CYLC1: variants seen among roughly 807,000 people sequenced by gnomAD.
CYLC1 encodes the protein cylicin 1.
In CYLC1, 2 loss-of-function variants were observed where a neutral mutation model predicts 31.6. The observed-to-expected ratio is 0.06, with a 90% CI of 0.03 to 0.20. The LOEUF (loss-of-function observed/expected upper bound fraction) is 0.20. Ranked by LOEUF, CYLC1 falls within the 10% of genes least tolerant of loss-of-function variation. CYLC1 has a pLI of 1.00. For missense variants in CYLC1, 595 were observed against 424.1 expected, an observed-to-expected ratio of 1.40 and a Z score of -3.54; for synonymous variants, 185 against 153.0, an observed-to-expected ratio of 1.21 and a Z score of -1.54.
At chrX:83,881,128 G>T (rs1210553982) in intron 4 of CYLC1, among the ~76,000 whole-genome samples, 1 of 104,406 alleles carries the variant, frequency 9.6e-6, no homozygotes, top group Non-Finnish European at 2.0e-5. Flanking sequence ...AAGGAAAGTG[G>T]GTGTTGTTGT....
intron 4 of CYLC1, among the ~76,000 whole-genome samples, chrX:83,875,563 G>A (rs891686302): frequency 2.7e-5 from 3 of 111,373 alleles, no homozygotes; most frequent in Non-Finnish European, 3.8e-5. Context: ...AGAAACTCCC[G>A]TTTTTAAAAC....
intron 1 of CYLC1, among the ~76,000 whole-genome samples, chrX:83,867,798 T>G (rs1434109090): frequency 1.8e-5 from 2 of 111,517 alleles, no homozygotes; most frequent in Non-Finnish European, 3.8e-5. Flanking sequence ...GATTCTCAAC[T>G]GAACCACTTA....
Position 83,880,266 on chromosome X carries a change from G to A in CYLC1, c.1923+5635G>A, listed in dbSNP as rs193015019. On this transcript the variant is annotated intron_variant, in intron 4 of 4. Transcript: ENST00000329312. ...TTATTTGGTTGTTTCTTGGCTGTCC[G>A]TATTAGTGAAAATTATCTTCTCCAC... Among the ~76,000 whole-genome samples the A allele has an allele frequency of 2.3e-4, 26 of 111,476 alleles. No homozygotes were observed. The East Asian group carries it at 6.2e-3, about 27-fold the overall frequency.
intron 4 of CYLC1, among the ~76,000 whole-genome samples, chrX:83,878,815 C>T (rs1247811073): frequency 9.5e-6 from 1 of 105,212 alleles, no homozygotes; most frequent in Non-Finnish European, 1.9e-5. Context: ...AACTTATGAA[C>T]AAACTTTGTT....
At chrX:83,884,321 G>C (rs1313151846) in intron 4 of CYLC1, among the ~76,000 whole-genome samples, 1 of 111,748 alleles carries the variant, frequency 8.9e-6, no homozygotes, top group East Asian at 2.8e-4. Flanking sequence ...GTAGATTCTA[G>C]ATATTGTTCC....
intron 1 of CYLC1, among the ~76,000 whole-genome samples, chrX:83,866,031 T>C (rs2031588048): frequency 9.0e-6 from 1 of 111,425 alleles, no homozygotes; most frequent in Non-Finnish European, 1.9e-5. Context: ...CGGTATTAAC[T>C]CAAGTCCAAC....
chrX:83,878,374 T>A (rs1429935539), intron 4 of CYLC1, among the ~76,000 whole-genome samples: 1 of 44,356 alleles, frequency 2.3e-5, no homozygotes. Context: ...TATATAAATA[T>A]ATATATAAAT....
intron 3 of CYLC1, 21 bp downstream of exon 3, chrX:83,871,591 T>C (rs1280102072): frequency 1.7e-5 from 20 of 1,161,129 alleles, no homozygotes; most frequent in Non-Finnish European, 2.2e-5. Context: ...AAAAAGTCAT[T>C]TTTAAAAACG....
intron 4 of CYLC1, among the ~76,000 whole-genome samples, chrX:83,878,373 A>G (rs1602308443): frequency 4.5e-5 from 1 of 22,303 alleles, no homozygotes. Context: ...ATATATAAAT[A>G]TATATATAAA....
At chrX:83,875,525 T>A (rs1264441912) in intron 4 of CYLC1, among the ~76,000 whole-genome samples, 5 of 111,756 alleles carry the variant, frequency 4.5e-5, no homozygotes, top group Admixed American at 9.5e-5. Flanking sequence ...CTTACTTGGA[T>A]GGCAGCAGGC....
At chrX:83,866,731 GC>G (rs772503694) in intron 1 of CYLC1, among the ~76,000 whole-genome samples, 1 of 104,553 alleles carries the variant, frequency 9.6e-6, no homozygotes, top group Non-Finnish European at 2.0e-5. Flanking sequence ...TAAGTCACAT[GC>G]TTTATCTTCC....
chrX:83,863,844 T>G (rs1365194010), intron 1 of CYLC1, among the ~76,000 whole-genome samples: 1 of 111,698 alleles, frequency 9.0e-6, no homozygotes, highest in African/African-American at 3.3e-5. Context: ...TACCAGAAAC[T>G]GATTGGCTAA....
intron 4 of CYLC1, among the ~76,000 whole-genome samples, chrX:83,880,743 G>C (rs1212690176): frequency 9.0e-6 from 1 of 111,184 alleles, no homozygotes; most frequent in Non-Finnish European, 1.9e-5. Flanking sequence ...TGCACATTCA[G>C]GGAGCACCAC....
chrX:83,885,170 A>G (rs999389619), intron 4 of CYLC1, among the ~76,000 whole-genome samples: 127 of 111,086 alleles, frequency 1.1e-3, no homozygotes, highest in African/African-American at 3.9e-3. Context: ...CCAAATCACA[A>G]TATACAGGTA....
chrX:83,867,599 C>T (rs778237057), intron 1 of CYLC1, among the ~76,000 whole-genome samples: 12 of 111,380 alleles, frequency 1.1e-4, no homozygotes, highest in Non-Finnish European at 2.3e-4. Context: ...CCATTTTTAG[C>T]TTCCAGTGGC....
At chrX:83,883,789 A>G (rs1308158129) in intron 4 of CYLC1, among the ~76,000 whole-genome samples, 2 of 111,939 alleles carry the variant, frequency 1.8e-5, no homozygotes, top group Non-Finnish European at 3.8e-5. Flanking sequence ...TGAATGTGGC[A>G]TTTGTTAGAG....
intron 1 of CYLC1, among the ~76,000 whole-genome samples, chrX:83,868,578 T>C (rs1329237402): frequency 9.0e-6 from 1 of 111,119 alleles, no homozygotes. Context: ...CTGGTGCTTA[T>C]TGTGAAATGG....
At chrX:83,880,481 A>C (rs970664369) in intron 4 of CYLC1, among the ~76,000 whole-genome samples, 7 of 111,604 alleles carry the variant, frequency 6.3e-5, no homozygotes, top group Non-Finnish European at 1.3e-4. Flanking sequence ...GTCCCATGCA[A>C]GTTGTATAAT....
intron 1 of CYLC1, among the ~76,000 whole-genome samples, chrX:83,863,741 C>T (rs1466864637): frequency 1.8e-5 from 2 of 112,046 alleles, no homozygotes; most frequent in East Asian, 5.6e-4. Context: ...CCCAACACCA[C>T]ACCTTCAGTC....
Sources: allele counts gnomAD v4.1 joint callset (sites outside exome capture counted in the v4.1 genomes callset), GRCh38; gene constraint gnomAD v4.1.1; transcripts MANE v1.5; gene names NCBI Gene and HGNC (gene_info 2026-07-23, HGNC 2026-07-21).